The following SORCS1 variants were observed in gnomAD, a reference collection of about 807,000 sequenced individuals.
SORCS1 encodes VPS10 domain-containing receptor SorCS1.
Under a neutral mutation model 146.1 loss-of-function variants are expected in SORCS1, and 60 were observed. The observed-to-expected ratio is 0.41, with a 90% CI of 0.33 to 0.51. The LOEUF (loss-of-function observed/expected upper bound fraction) is 0.51. Among genes scored for constraint, SORCS1 ranks in the 20% least tolerant of loss-of-function variants. The pLI is 0.21. For missense variants in SORCS1, 1,352 were observed against 1,487.6 expected (o/e 0.91, Z 1.50); for synonymous variants, 637 against 584.0 (o/e 1.09, Z -1.31).
At chr10:106,606,025 G>T (rs78165048) in intron 23 of SORCS1, among the ~76,000 whole-genome samples, 2,135 of 152,232 alleles carry the variant, frequency 0.014, 51 homozygotes, top group African/African-American at 0.049. Context: ...TTACTTAGTG[G>T]CCGAGAGGAA....
intron 1 of SORCS1, among the ~76,000 whole-genome samples, chr10:107,062,277 T>C (rs755212133): frequency 3.3e-4 from 50 of 152,196 alleles, no homozygotes; most frequent in Non-Finnish European, 5.4e-4. Flanking sequence ...CCCTTTGATC[T>C]TCAGCATATT....
intron 6 of SORCS1, among the ~76,000 whole-genome samples, chr10:106,716,970 A>C (rs1378814618): frequency 6.6e-6 from 1 of 152,206 alleles, no homozygotes; most frequent in East Asian, 1.9e-4. Context: ...AAAATATATT[A>C]CAGGTCTCTG....
intron 1 of SORCS1, among the ~76,000 whole-genome samples, chr10:107,053,715 C>T (rs17122003): frequency 6.6e-6 from 1 of 152,138 alleles, no homozygotes; most frequent in African/African-American, 2.4e-5. Context: ...AAGCAAAATA[C>T]GTTTCATTAT....
chr10:107,150,545 C>A (rs1174288601), intron 1 of SORCS1, among the ~76,000 whole-genome samples: 1 of 152,210 alleles, frequency 6.6e-6, no homozygotes. Context: ...TGGAAGGGCA[C>A]CGTCTTCTTA....
chr10:106,647,317 G>T (rs1353579891), intron 18 of SORCS1, among the ~76,000 whole-genome samples: 3 of 151,108 alleles, frequency 2.0e-5, no homozygotes, highest in African/African-American at 4.9e-5. Context: ...TGTTTTCTGG[G>T]TAGTGCTATT....
chr10:106,935,893 G>A (rs1490018635), intron 2 of SORCS1, among the ~76,000 whole-genome samples: 1 of 152,208 alleles, frequency 6.6e-6, no homozygotes, highest in East Asian at 1.9e-4. Flanking sequence ...TCAAGTAGGT[G>A]AAGCTATTTC....
At chr10:106,900,471 G>A (rs996903207) in intron 2 of SORCS1, among the ~76,000 whole-genome samples, 2 of 152,134 alleles carry the variant, frequency 1.3e-5, no homozygotes, top group Non-Finnish European at 2.9e-5. Context: ...ACATGCAGGT[G>A]AATTAACACT....
At chr10:106,683,736 T>G (rs897393341) in intron 10 of SORCS1, among the ~76,000 whole-genome samples, 1 of 152,180 alleles carries the variant, frequency 6.6e-6, no homozygotes, top group African/African-American at 2.4e-5. Flanking sequence ...GATCAGAGCT[T>G]TTGTAAAGAA....
At chr10:106,729,928 T>G in intron 6 of SORCS1, 122 bp downstream of exon 6, 1 of 1,224,638 alleles carries the variant, frequency 8.2e-7, no homozygotes, top group Non-Finnish European at 1.2e-6. Flanking sequence ...CCCCAAATCC[T>G]CAGAAACCAC....
At chr10:106,587,362 T>C (rs1845303871) in intron 24 of SORCS1, among the ~76,000 whole-genome samples, 1 of 152,244 alleles carries the variant, frequency 6.6e-6, no homozygotes, top group African/African-American at 2.4e-5. Flanking sequence ...AACAATTTAC[T>C]TCACTTTACA....
chr10:106,623,148 G>T (rs1167052506), intron 19 of SORCS1, among the ~76,000 whole-genome samples: 2 of 151,464 alleles, frequency 1.3e-5, no homozygotes, highest in Non-Finnish European at 2.9e-5. Flanking sequence ...CTCAATCTGC[G>T]TTAAATGAAT....
At chr10:107,103,276 A>G (rs1460781223) in intron 1 of SORCS1, among the ~76,000 whole-genome samples, 1 of 152,214 alleles carries the variant, frequency 6.6e-6, no homozygotes, top group Non-Finnish European at 1.5e-5. Flanking sequence ...AAACAAAGGA[A>G]CAGAAGCCAC....
intron 23 of SORCS1, among the ~76,000 whole-genome samples, chr10:106,597,722 C>T (rs1845989754): frequency 6.6e-6 from 1 of 152,132 alleles, no homozygotes; most frequent in Non-Finnish European, 1.5e-5. Context: ...TCTGTATGAT[C>T]TTAGAAAACT....
At chr10:106,620,849 A>G (rs977092639) in intron 19 of SORCS1, among the ~76,000 whole-genome samples, 1 of 152,372 alleles carries the variant, frequency 6.6e-6, no homozygotes, top group South Asian at 2.1e-4. Flanking sequence ...GTCCTTAAGA[A>G]CAGGCATCAT....
At chr10:106,952,719 T>A (rs1954750350) in intron 2 of SORCS1, among the ~76,000 whole-genome samples, 1 of 151,692 alleles carries the variant, frequency 6.6e-6, no homozygotes, top group African/African-American at 2.4e-5. Flanking sequence ...CTCATGCTTG[T>A]AATCCTGAGA....
At chr10:107,110,373 C>A (rs968514016) in intron 1 of SORCS1, among the ~76,000 whole-genome samples, 3 of 152,128 alleles carry the variant, frequency 2.0e-5, no homozygotes, top group Non-Finnish European at 4.4e-5. Context: ...GTTCTTCATG[C>A]TTAATAGAAA....
chr10:106,865,713 G>A (rs891771579), intron 2 of SORCS1, among the ~76,000 whole-genome samples: 1 of 150,980 alleles, frequency 6.6e-6, no homozygotes, highest in Admixed American at 6.6e-5. Context: ...GAGAGAGCAA[G>A]ACTCCATCTC....
intron 6 of SORCS1, among the ~76,000 whole-genome samples, chr10:106,713,380 G>A (rs1589719508): frequency 6.6e-6 from 1 of 152,198 alleles, no homozygotes; most frequent in African/African-American, 2.4e-5. Context: ...GACACCTAAT[G>A]AGGACTTGAT....
chr10:106,784,115 G>A (rs1195958398), intron 3 of SORCS1, among the ~76,000 whole-genome samples: 2 of 152,108 alleles, frequency 1.3e-5, no homozygotes, highest in Non-Finnish European at 2.9e-5. Flanking sequence ...TAAACCTGGG[G>A]CCGGGTGCAG....
Sources: gnomAD v4.1 joint callset for allele counts (sites outside exome capture counted in the v4.1 genomes callset) on GRCh38, gnomAD v4.1.1 for gene constraint, MANE v1.5 for transcripts, NCBI Gene and HGNC (gene_info 2026-07-23, HGNC 2026-07-21) for gene names.